CENPC: variants seen among roughly 807,000 people sequenced by gnomAD.
CENPC encodes the protein CENP-C 1.
CENPC carries 63 observed loss-of-function variants against 112.1 expected under a neutral mutation model. The ratio of observed to expected loss-of-function variants is 0.56; its 90% CI spans 0.46 to 0.69. CENPC has a LOEUF of 0.69. Ranked by LOEUF, CENPC falls within the 30% of genes least tolerant of loss-of-function variation. CENPC has a pLI of 0.00. For synonymous variants in CENPC, 333 were observed against 367.6 expected (o/e 0.91, Z 1.08); for missense variants, 1,000 against 1,103.8 (o/e 0.91, Z 1.33).
At chr4:67,515,782 G>A (rs1726043121) in intron 7 of CENPC, among the ~76,000 whole-genome samples, 1 of 151,758 alleles carries the variant, frequency 6.6e-6, no homozygotes, top group African/African-American at 2.4e-5. Context: ...TATCTAGAAA[G>A]GTAGCATAAG....
intron 6 of CENPC, 34 bp downstream of exon 6, chr4:67,519,183 A>T: frequency 1.4e-6 from 2 of 1,454,906 alleles, no homozygotes; most frequent in Non-Finnish European, 1.8e-6. Flanking sequence ...TAAAATTTTT[A>T]AAGTGCGTTA....
At chr4:67,542,948 T>C (rs1371428352) in intron 2 of CENPC, among the ~76,000 whole-genome samples, 3 of 152,206 alleles carry the variant, frequency 2.0e-5, no homozygotes, top group Admixed American at 6.5e-5. Flanking sequence ...CAACAGCTTT[T>C]TCAAAATTTA....
In CENPC at chr4:67,530,833, C is replaced by T. The variant is rs752676856; in HGVS notation, c.313G>A (p.Glu105Lys). The T allele has an allele frequency of 6.3e-7, 1 of 1,593,520 alleles. No homozygotes were observed. The highest frequency in any genetic ancestry group is 8.6e-7 in the Non-Finnish European group (1 of 1,167,384). Residue 105 changes from glutamate (E) to lysine (K), a missense_variant, in exon 5 of 19, where the codon GAA becomes AAA. By Grantham distance (56) the Glu-to-Lys change is moderately conservative. Transcript: ENST00000273853. The stretch of plus-strand genomic sequence containing the variant: ...CACCAACCTGATCTGTTTGTGGCTT[C>T]ACTTGGTTCTACAACAAACTGTAGA... ...ASLQFVVEPSEATNRSVQAHE... is the reference protein window; with the variant it reads ...ASLQFVVEPSKATNRSVQAHE...
chr4:67,488,570 T>C (rs986216492), intron 17 of CENPC, among the ~76,000 whole-genome samples: 5 of 152,024 alleles, frequency 3.3e-5, no homozygotes, highest in African/African-American at 1.2e-4. Flanking sequence ...TAAATGTGTA[T>C]TCCTTTGAAT....
At chr4:67,509,229 C>T (rs1577989498) in intron 9 of CENPC, 124 bp from the exon 10 acceptor site, 6 of 595,698 alleles carry the variant, frequency 1.0e-5, no homozygotes, top group Admixed American at 6.0e-5. Flanking sequence ...CACACACACA[C>T]ACACACACAC....
At position 67,544,145 on chromosome 4, in the gene CENPC, T is replaced by C; in HGVS notation, c.65+4A>G. 6.8e-7 allele frequency: 1 copy of C among 1,466,588 alleles called. No individual in the cohort carries two copies. Among genetic ancestry groups the C allele is most frequent in the East Asian group, 2.3e-5 (1 of 44,148 alleles). The allele number at this position is 1,466,588 out of a possible 1,614,324, so 90.8% of individuals were successfully genotyped here. A position where few individuals can be genotyped will look rare whatever the true frequency, so the allele number is the denominator to read the frequency against. On this transcript the variant is annotated splice_donor_region_variant and intron_variant, in intron 2 of 18. Transcript: ENST00000273853. Reference sequence around the variant, plus strand: ...AATCTTAAAAGCTTAAGTACGTAAATCACCTGGAAGGTCGACAAAATCTTC... The same window carrying C: ...AATCTTAAAAGCTTAAGTACGTAAACCACCTGGAAGGTCGACAAAATCTTC...
At chr4:67,508,332 G>A (rs1022903465) in intron 10 of CENPC, among the ~76,000 whole-genome samples, 2 of 151,736 alleles carry the variant, frequency 1.3e-5, no homozygotes, top group African/African-American at 4.8e-5. Context: ...AGGCAACAAA[G>A]CAAGACCTCA....
chr4:67,539,868 T>G lies in CENPC; in HGVS notation c.203A>C (p.Asp68Ala), dbSNP rs759128563. The change falls in exon 4 of 19, where the codon GAC (aspartate) becomes GCC (alanine). Residue 68 changes from aspartate (D) to alanine (A), a missense_variant. Physicochemically the swap from Asp to Ala is moderately radical, Grantham distance 126. Coordinates refer to ENST00000273853, the MANE Select transcript of CENPC (RefSeq NM_001812.4). ...TTTGCTTGGTGACTGAATACAAGTG[T>G]CTTTTATTTTGCGTGTTGAATTAGG... Reference protein sequence around the residue: ...SVPNSTRKIKDTCIQSPSKEC... With the variant: ...SVPNSTRKIKATCIQSPSKEC... The G allele has an allele frequency of 8.5e-6, 13 of 1,535,686 alleles. No homozygotes were observed. The highest frequency in any genetic ancestry group is 9.6e-6 in the Non-Finnish European group (11 of 1,142,042).
Position 67,491,480 on chromosome 4 carries a change from T to TAG in CENPC, c.2515+698_2515+699dup, listed in dbSNP as rs71219046. Reference sequence around the variant, plus strand: ...ATATATATATATATATATATATATATAGAGAGAGAGAGAGAGAGAGAGAGA... The same window carrying TAG: ...ATATATATATATATATATATATATATAGAGAGAGAGAGAGAGAGAGAGAGAGA... On this transcript the variant is annotated intron_variant, in intron 16 of 18. Coordinates refer to ENST00000273853, the MANE Select transcript of CENPC (RefSeq NM_001812.4). Among the ~76,000 whole-genome samples, 56 of 18,102 alleles carry TAG rather than the reference T, an allele frequency of 3.1e-3. 5 individuals carry two copies. Among genetic ancestry groups the TAG allele is most frequent in the African/African-American group, 7.4e-3 (42 of 5,696 alleles). 11.9% of individuals were successfully genotyped at this position (18,102 alleles called of 152,430 possible). A position where few individuals can be genotyped will look rare whatever the true frequency, so the allele number is the denominator to read the frequency against.
At chr4:67,539,761 T>C in intron 4 of CENPC, 79 bp downstream of exon 4, 3 of 697,974 alleles carry the variant, frequency 4.3e-6, no homozygotes, top group Non-Finnish European at 6.9e-6. Flanking sequence ...TACAAACAAC[T>C]AAAATATACA....
chr4:67,503,159 A>C (rs72924952), intron 12 of CENPC, among the ~76,000 whole-genome samples: 127 of 152,090 alleles, frequency 8.4e-4, no homozygotes, highest in African/African-American at 3.0e-3. Flanking sequence ...GTGATCTTTC[A>C]TTCTGTTGCC....
In CENPC at chr4:67,514,080, G is replaced by A. The variant is rs779688262; in HGVS notation, c.1438C>T (p.Pro480Ser). The change falls in exon 8 of 19, where the codon CCT becomes TCT. Residue 480 changes from proline (P) to serine (S), a missense_variant. Coordinates refer to ENST00000273853, the MANE Select transcript of CENPC (RefSeq NM_001812.4). Reference sequence around the variant, plus strand: ...ATTTAATATAAACACTTACCCACAGGTGGCATCTGTTTTTTGGAAACACAA... The same window carrying A: ...ATTTAATATAAACACTTACCCACAGATGGCATCTGTTTTTTGGAAACACAA... ...NDCVSKKQMP[P>S]VGSKKSSTRK... The A allele has an allele frequency of 1.9e-6, 3 of 1,590,342 alleles. No individual in the cohort carries two copies. Among genetic ancestry groups the A allele is most frequent in the Non-Finnish European group, 2.6e-6 (3 of 1,171,818 alleles).
intron 11 of CENPC, 92 bp from the exon 12 acceptor site, chr4:67,505,376 C>A: frequency 1.4e-6 from 1 of 731,716 alleles, no homozygotes; most frequent in Non-Finnish European, 2.3e-6. Flanking sequence ...CCTAAAACTG[C>A]CATAAGTCTT....
At chr4:67,508,649 C>A (rs977321707) in intron 10 of CENPC, among the ~76,000 whole-genome samples, 165 bp downstream of exon 10, 1 of 151,818 alleles carries the variant, frequency 6.6e-6, no homozygotes, top group African/African-American at 2.4e-5. Context: ...TACTACTTTG[C>A]CTGTGTGTCA....
intron 7 of CENPC, among the ~76,000 whole-genome samples, chr4:67,517,709 G>A (rs890340145): frequency 2.6e-5 from 4 of 151,884 alleles, no homozygotes; most frequent in African/African-American, 9.7e-5. Flanking sequence ...GTGGTGGCAG[G>A]TGCCTGTGAT....
intron 5 of CENPC, among the ~76,000 whole-genome samples, chr4:67,527,386 T>C (rs1726413531): frequency 1.3e-5 from 2 of 151,922 alleles, no homozygotes; most frequent in Admixed American, 1.3e-4. Flanking sequence ...GGAGAAAATT[T>C]CCCAACCCTA....
intron 16 of CENPC, among the ~76,000 whole-genome samples, chr4:67,490,923 TCAAGAAACAAA>T (rs1412076309): frequency 1.4e-5 from 2 of 144,588 alleles, no homozygotes; most frequent in African/African-American, 5.1e-5. Flanking sequence ...TATAGTAGAT[TCAAGAAACAAA>T]TAAGAAATGA....
chr4:67,535,900 A>G (rs1726705217), intron 4 of CENPC, among the ~76,000 whole-genome samples: 1 of 152,148 alleles, frequency 6.6e-6, no homozygotes, highest in Admixed American at 6.6e-5. Flanking sequence ...AGTAATAGCT[A>G]AGACTAAAAA....
In CENPC at chr4:67,472,590, AG is replaced by A; in HGVS notation, c.*14del. 1.4e-6 allele frequency: 2 copies of A among 1,478,264 alleles called. No homozygotes were observed. Among genetic ancestry groups the A allele is most frequent in the Non-Finnish European group, 8.9e-7 (1 of 1,120,682 alleles). 91.6% of individuals were successfully genotyped at this position (1,478,264 alleles called of 1,614,324 possible). A position where few individuals can be genotyped will look rare whatever the true frequency, so the allele number is the denominator to read the frequency against. ...ATACATATATACATACATATATTTA[AG>A]GTTGGTTGATCTTTCATCTTTTTAT... On this transcript the variant is annotated 3_prime_UTR_variant, in exon 19 of 19. Transcript: ENST00000273853.
Sources: allele counts gnomAD v4.1 joint callset (sites outside exome capture counted in the v4.1 genomes callset), GRCh38; gene constraint gnomAD v4.1.1; transcripts MANE v1.5; gene names NCBI Gene and HGNC (gene_info 2026-07-23, HGNC 2026-07-21).